CNPY1: variants seen among roughly 807,000 people sequenced by gnomAD.
CNPY1 encodes protein canopy homolog 1.
A neutral mutation model predicts 14.4 loss-of-function variants in CNPY1; 14 were observed. That is an observed-to-expected ratio of 0.97 (90% CI 0.64 to 1.52). The LOEUF is 1.52. Among genes scored for constraint, CNPY1 ranks in the 40% most tolerant of loss-of-function variants. CNPY1 has a pLI of 0.00. For synonymous variants in CNPY1, 43 were observed against 46.5 expected (o/e 0.92, Z 0.31); for missense variants, 129 against 131.5 (o/e 0.98, Z 0.09).
intron 2 of CNPY1, among the ~76,000 whole-genome samples, chr7:155,539,432 C>A (rs17837556): frequency 6.6e-6 from 1 of 152,030 alleles, no homozygotes; most frequent in African/African-American, 2.4e-5. Flanking sequence ...GGCCCTCTAG[C>A]GAGTAGGAAA....
intron 2 of CNPY1, among the ~76,000 whole-genome samples, chr7:155,533,522 G>A (rs1013728984): frequency 3.3e-5 from 5 of 152,190 alleles, no homozygotes; most frequent in African/African-American, 7.2e-5. Context: ...GCAGAGCGGG[G>A]CCAGCTCCGC....
chr7:155,531,925 G>A (rs990974943), intron 2 of CNPY1, among the ~76,000 whole-genome samples: 4 of 152,146 alleles, frequency 2.6e-5, no homozygotes, highest in Non-Finnish European at 5.9e-5. Flanking sequence ...AAGAAGCCCC[G>A]AGCAAGATGA....
At chr7:155,510,734 C>T (rs527667862) in intron 2 of CNPY1, among the ~76,000 whole-genome samples, 1 of 152,288 alleles carries the variant, frequency 6.6e-6, no homozygotes, top group East Asian at 1.9e-4. Flanking sequence ...GTTCTACTTA[C>T]GCTTTAATTA....
chr7:155,520,424 CTTTCTTTTTTTT>C (rs1313833136), intron 2 of CNPY1, among the ~76,000 whole-genome samples: 5 of 116,526 alleles, frequency 4.3e-5, no homozygotes, highest in Non-Finnish European at 7.0e-5. Context: ...TTCTTTCTTT[CTTTCTTTTTTTT>C]TTTTTTTTTT....
chr7:155,517,485 G>A (rs561399602), intron 2 of CNPY1, among the ~76,000 whole-genome samples: 9 of 152,286 alleles, frequency 5.9e-5, no homozygotes, highest in African/African-American at 1.9e-4. Context: ...CTCAAGTTCT[G>A]CTAGGTGCAG....
At chr7:155,522,814 C>T (rs538326793) in intron 2 of CNPY1, among the ~76,000 whole-genome samples, 11 of 152,300 alleles carry the variant, frequency 7.2e-5, no homozygotes, top group African/African-American at 2.2e-4. Flanking sequence ...ATCAGTGTCA[C>T]GGAACTCAGC....
At chr7:155,535,587 T>C (rs1797014215) in intron 2 of CNPY1, among the ~76,000 whole-genome samples, 1 of 152,082 alleles carries the variant, frequency 6.6e-6, no homozygotes, top group African/African-American at 2.4e-5. Context: ...ATGAGACAGG[T>C]CCAACCAACT....
chr7:155,520,617 C>G (rs1796703518), intron 2 of CNPY1, among the ~76,000 whole-genome samples: 1 of 151,730 alleles, frequency 6.6e-6, no homozygotes, highest in Non-Finnish European at 1.5e-5. Flanking sequence ...TCATTTGTTT[C>G]CATTTTGGCC....
intron 2 of CNPY1, among the ~76,000 whole-genome samples, chr7:155,528,693 G>A (rs80207333): frequency 0.032 from 4,848 of 152,264 alleles, 128 homozygotes; most frequent in Admixed American, 0.059. Flanking sequence ...TTTGAAGCAC[G>A]GCCTTCTTGG....
At chr7:155,542,373 A>T (rs528706050) in intron 2 of CNPY1, among the ~76,000 whole-genome samples, 14 of 152,246 alleles carry the variant, frequency 9.2e-5, no homozygotes, top group Middle Eastern at 3.4e-3. Flanking sequence ...CCCCTTGCTC[A>T]TGGGCGGGCG....
chr7:155,521,310 G>A (rs1796720124), intron 2 of CNPY1, among the ~76,000 whole-genome samples: 3 of 152,192 alleles, frequency 2.0e-5, no homozygotes, highest in Non-Finnish European at 2.9e-5. Flanking sequence ...AAAACAAGTG[G>A]TGTTTCTAAT....
At chr7:155,537,120 A>T (rs1242982200) in intron 2 of CNPY1, among the ~76,000 whole-genome samples, 1 of 152,158 alleles carries the variant, frequency 6.6e-6, no homozygotes, top group Admixed American at 6.5e-5. Flanking sequence ...GCATGCTAAC[A>T]TCTTCTCATG....
chr7:155,542,253 G>A (rs1039038033), intron 2 of CNPY1, among the ~76,000 whole-genome samples: 2 of 150,076 alleles, frequency 1.3e-5, no homozygotes, highest in African/African-American at 5.0e-5. Context: ...GGGAGTCAGG[G>A]GAGCCCCAGG....
chr7:155,504,689 A>AACACACACACAC (rs61377945), intron 4 of CNPY1, among the ~76,000 whole-genome samples: 2,072 of 145,258 alleles, frequency 0.014, 39 homozygotes, highest in African/African-American at 0.042. Flanking sequence ...CATACCCCCC[A>AACACACACACAC]ACACACACAC....
At chr7:155,513,953 A>G (rs1439149220) in intron 2 of CNPY1, among the ~76,000 whole-genome samples, 2 of 152,264 alleles carry the variant, frequency 1.3e-5, no homozygotes, top group African/African-American at 4.8e-5. Flanking sequence ...ACAATCTGTC[A>G]CATGAAAAAT....
intron 2 of CNPY1, among the ~76,000 whole-genome samples, chr7:155,526,089 G>A (rs1000313885): frequency 6.6e-6 from 1 of 152,170 alleles, no homozygotes; most frequent in African/African-American, 2.4e-5. Context: ...ATAAAATGCA[G>A]AATTTAACAA....
rs1393723849 is a variant in CNPY1 at position 155,529,964 on chromosome 7, A to G, written c.99+15867T>C. On this transcript the variant is annotated intron_variant, in intron 2 of 4. Transcript: ENST00000636446. The stretch of plus-strand genomic sequence containing the variant: ...CGCCCAGCTAATTTATTGTATTTTT[A>G]GTAGAGACGGGCTTTACCATGTTGG... Among the ~76,000 whole-genome samples, 3 of 151,978 alleles carry G rather than the reference A, an allele frequency of 2.0e-5. No individual in the cohort carries two copies. The East Asian group carries it at 5.8e-4, about 29-fold the overall frequency.
intron 2 of CNPY1, among the ~76,000 whole-genome samples, chr7:155,535,873 G>A (rs1212805881): frequency 3.3e-5 from 5 of 152,222 alleles, no homozygotes; most frequent in Admixed American, 6.5e-5. Context: ...GGTAAGCATC[G>A]TCTGCTATCA....
At chr7:155,526,558 A>G (rs572905475) in intron 2 of CNPY1, among the ~76,000 whole-genome samples, 2 of 152,306 alleles carry the variant, frequency 1.3e-5, no homozygotes, top group East Asian at 3.9e-4. Context: ...CCAGTAGAAT[A>G]CTGGGCAAAG....
Sources: gnomAD v4.1 joint callset for allele counts (sites outside exome capture counted in the v4.1 genomes callset) on GRCh38, gnomAD v4.1.1 for gene constraint, MANE v1.5 for transcripts, NCBI Gene and HGNC (gene_info 2026-07-23, HGNC 2026-07-21) for gene names.